Variants in GLDC observed in about 807,000 individuals in gnomAD.
GLDC encodes the protein glycine dehydrogenase (decarboxylating), mitochondrial.
In GLDC, 104 loss-of-function variants were observed where a neutral mutation model predicts 121.3. The ratio of observed to expected loss-of-function variants is 0.86; its 90% CI spans 0.73 to 1.01. The LOEUF (loss-of-function observed/expected upper bound fraction) is 1.01, where lower values mean the gene tolerates loss of function less well. Among genes scored for constraint, GLDC ranks in the 50% least tolerant of loss-of-function variants. GLDC has a pLI of 0.00. For missense variants in GLDC, 1,429 were observed against 1,306.6 expected, an observed-to-expected ratio of 1.09 and a Z score of -1.44; for synonymous variants, 546 against 480.6, an observed-to-expected ratio of 1.14 and a Z score of -1.78.
At position 6,633,294 on chromosome 9, in the gene GLDC, T is replaced by G. The variant is rs73639339; in HGVS notation, c.334+11320A>C. On this transcript the variant is annotated intron_variant, in intron 2 of 24. Coordinates refer to ENST00000321612, the MANE Select transcript of GLDC (RefSeq NM_000170.3). ...CTCTCCTTCTGCATGTTTTATTTCC[T>G]TATATCCTGGCTTTTCTTTCTTCCC... Among the ~76,000 whole-genome samples, 203 of 152,214 alleles carry G rather than the reference T, an allele frequency of 1.3e-3. 1 individual carries two copies. The highest frequency in any genetic ancestry group is 4.6e-3 in the African/African-American group (189 of 41,534).
intron 3 of GLDC, among the ~76,000 whole-genome samples, chr9:6,611,369 A>G (rs151335913): frequency 0.017 from 2,622 of 152,250 alleles, 66 homozygotes; most frequent in African/African-American, 0.059. Flanking sequence ...CATCCTGGCT[A>G]ACATGGTGAA....
intron 15 of GLDC, among the ~76,000 whole-genome samples, chr9:6,575,405 C>T (rs535663650): frequency 5.3e-5 from 8 of 152,254 alleles, no homozygotes; most frequent in African/African-American, 1.2e-4. Flanking sequence ...GGTGGCCAAA[C>T]GAGCTGCCTC....
chr9:6,601,963 G>C, intron 8 of GLDC, 146 bp downstream of exon 8: 1 of 659,346 alleles, frequency 1.5e-6, no homozygotes, highest in Non-Finnish European at 2.8e-6. Flanking sequence ...AAGACAATGA[G>C]CCTTCTACAC....
intron 4 of GLDC, among the ~76,000 whole-genome samples, chr9:6,607,667 AGG>A (rs1312899375): frequency 1.3e-5 from 2 of 151,890 alleles, no homozygotes; most frequent in Non-Finnish European, 2.9e-5. Flanking sequence ...GGGGGAGAAC[AGG>A]GTCTCGGTCT....
rs377751310 is a variant in GLDC, at chr9:6,565,438, G to C, written c.1851-9C>G. ...ATTCTCCCTGGGCTCCGCTTGCAAA[G>C]ACAAGAAGAAAGGGATCACGGTTAG... On this transcript the variant is annotated splice_polypyrimidine_tract_variant and intron_variant, in intron 15 of 24. Coordinates refer to ENST00000321612, the MANE Select transcript of GLDC (RefSeq NM_000170.3). 2.4e-5 allele frequency: 38 copies of C among 1,608,872 alleles called. No homozygotes were observed. The African/African-American group carries it at 4.7e-4, about 20-fold the overall frequency.
intron 21 of GLDC, among the ~76,000 whole-genome samples, chr9:6,545,419 T>C (rs1817367591): frequency 6.6e-6 from 1 of 152,026 alleles, no homozygotes; most frequent in Non-Finnish European, 1.5e-5. Context: ...AAATACGACA[T>C]AAAACATAAA....
At chr9:6,540,168 G>A (rs200609000) in intron 21 of GLDC, 22 bp from the exon 22 acceptor site, 1 of 1,412,804 alleles carries the variant, frequency 7.1e-7, no homozygotes, top group East Asian at 2.3e-5. Flanking sequence ...AGTTGTTTCA[G>A]CCCAAGATTA....
At chr9:6,625,664 G>T (rs1819220193) in intron 2 of GLDC, among the ~76,000 whole-genome samples, 1 of 152,192 alleles carries the variant, frequency 6.6e-6, no homozygotes, top group Non-Finnish European at 1.5e-5. Context: ...GCATATAGAG[G>T]TGCTCAAATG....
intron 2 of GLDC, among the ~76,000 whole-genome samples, chr9:6,623,911 A>AGT (rs1819174873): frequency 6.6e-6 from 1 of 152,262 alleles, no homozygotes; most frequent in Non-Finnish European, 1.5e-5. Context: ...ATTAATTAGC[A>AGT]GTGCCTTGTA....
At chr9:6,540,594 T>C in intron 21 of GLDC, 1 of 201,390 alleles carries the variant, frequency 5.0e-6, no homozygotes, top group South Asian at 9.2e-5. Context: ...AAATAATTAC[T>C]TTTGCGTATA....
intron 21 of GLDC, among the ~76,000 whole-genome samples, chr9:6,550,019 C>G (rs994645990): frequency 6.6e-6 from 1 of 152,172 alleles, no homozygotes; most frequent in Non-Finnish European, 1.5e-5. Context: ...ATCCTTCACT[C>G]CAGACCAGAG....
At chr9:6,617,908 GCC>G (rs1326342610) in intron 3 of GLDC, among the ~76,000 whole-genome samples, 1 of 152,216 alleles carries the variant, frequency 6.6e-6, no homozygotes, top group Non-Finnish European at 1.5e-5. Context: ...ACTTAGTGAA[GCC>G]TGCATTCCCT....
chr9:6,606,250 A>G (rs886073927), intron 5 of GLDC: 6 of 304,626 alleles, frequency 2.0e-5, no homozygotes, highest in Middle Eastern at 1.2e-3. Flanking sequence ...CGGAGCTTGC[A>G]GTGAGCCTAG....
At position 6,607,455 on chromosome 9, in the gene GLDC, C is replaced by T. The variant is rs142396103; in HGVS notation, c.636-786G>A. ...AAACGTAGCCAGGCATGGTGGTGCA[C>T]GCCTGTAATCCCACTACTCGGGAGG... On this transcript the variant is annotated intron_variant, in intron 4 of 24. Transcript: ENST00000321612. Among the ~76,000 whole-genome samples the T allele has an allele frequency of 6.4e-3, 971 of 151,686 alleles. 11 individuals are homozygous for T. The highest frequency in any genetic ancestry group is 0.022 in the African/African-American group (893 of 41,376).
intron 2 of GLDC, among the ~76,000 whole-genome samples, chr9:6,629,809 T>C (rs1481688270): frequency 1.3e-5 from 2 of 151,162 alleles, no homozygotes; most frequent in African/African-American, 4.9e-5. Flanking sequence ...TTATCATTTA[T>C]ATTTTAAAAA....
intron 8 of GLDC, among the ~76,000 whole-genome samples, chr9:6,600,504 T>TGCC (rs1818583619): frequency 6.6e-6 from 1 of 151,912 alleles, no homozygotes; most frequent in Admixed American, 6.6e-5. Context: ...TGATGAAACC[T>TGCC]GCCTCTACTA....
chr9:6,566,478 T>TA lies in GLDC; in HGVS notation c.1851-1050dup, dbSNP rs1233834200. 2.0e-5 allele frequency: 3 copies of TA among 152,334 alleles called. No homozygotes were observed. In the East Asian group the frequency reaches 5.8e-4, roughly 29 times the overall value. 9.4% of individuals were successfully genotyped at this position (152,334 alleles called of 1,614,324 possible). On this transcript the variant is annotated intron_variant, in intron 15 of 24. Transcript: ENST00000321612. ...CAGCCCCAAAAGAATGAGGCACTTT[T>TA]AATGTGACACCATTCCTGGCAGTCT...
intron 9 of GLDC, among the ~76,000 whole-genome samples, chr9:6,594,331 G>A (rs535598208): frequency 6.6e-5 from 10 of 151,710 alleles, no homozygotes; most frequent in South Asian, 2.1e-4. Context: ...GTTTGGGGCC[G>A]GTAGGAAAGT....
At chr9:6,536,302 G>T in intron 22 of GLDC, 66 bp from the exon 23 acceptor site, 2 of 1,303,998 alleles carry the variant, frequency 1.5e-6, no homozygotes, top group South Asian at 1.2e-5. Context: ...TGGAAGAAAA[G>T]TTCGTATCCC....
Sources: gnomAD v4.1 joint callset for allele counts (sites outside exome capture counted in the v4.1 genomes callset) on GRCh38, gnomAD v4.1.1 for gene constraint, MANE v1.5 for transcripts, NCBI Gene and HGNC (gene_info 2026-07-23, HGNC 2026-07-21) for gene names.